PRCC: variants seen among roughly 807,000 people sequenced by gnomAD.
PRCC encodes proline-rich protein PRCC.
PRCC carries 10 observed loss-of-function variants against 44.0 expected under a neutral mutation model. That is an observed-to-expected ratio of 0.23 (90% CI 0.14 to 0.39). The LOEUF (loss-of-function observed/expected upper bound fraction) is 0.39, where lower values mean the gene tolerates loss of function less well. PRCC is among the 10% of genes least tolerant of loss of function. The pLI, the probability that PRCC is intolerant of heterozygous loss-of-function variation, is 1.00. For synonymous variants in PRCC, 278 were observed against 259.5 expected, an observed-to-expected ratio of 1.07 and a Z score of -0.69; for missense variants, 573 against 624.7, an observed-to-expected ratio of 0.92 and a Z score of 0.88.
In PRCC at chr1:156,800,369, C is replaced by T. The variant is rs1225064796; in HGVS notation, c.1390-5C>T. ...ACCCTCCCCTACCCTTCTTCCTTGC[C>T]ACAGGCCAAGGAGCGGGAGCTGGAA... is the stretch of plus-strand genomic sequence containing the variant. On this transcript the variant is annotated splice_region_variant and splice_polypyrimidine_tract_variant and intron_variant, in intron 6 of 6. Coordinates refer to ENST00000271526, the MANE Select transcript of PRCC (RefSeq NM_005973.5). 2 of 1,614,092 alleles carry T rather than the reference C, an allele frequency of 1.2e-6. No individual in the cohort carries two copies. The highest frequency in any genetic ancestry group is 8.5e-7 in the Non-Finnish European group (1 of 1,179,962).
At position 156,768,161 on chromosome 1, in the gene PRCC, TC is replaced by T; in HGVS notation, c.395del (p.Pro132ArgfsTer14). 6.4e-7 allele frequency: 1 copy of T among 1,554,876 alleles called. No individual in the cohort carries two copies. ...TGCCCCCTCCAATTGGCGGTGCCGG[TC>T]CCCCGCTGGGGCTTCCCAAGCCAAA... Reference protein sequence around the residue: ...NLPPPIGGAGPPLGLPKPKKR... With the variant: ...NLPPPIGGAGXPLGLPKPKKR... On this transcript the variant is annotated frameshift_variant, in exon 1 of 7. Transcript: ENST00000271526. LOFTEE classifies it high-confidence loss of function.
In PRCC at chr1:156,794,482, T is replaced by G. The variant is rs568274348; in HGVS notation, c.1180-183T>G. Among the ~76,000 whole-genome samples the G allele has an allele frequency of 2.0e-5, 3 of 152,224 alleles. 1 individual carries two copies. In the South Asian group the frequency reaches 6.2e-4, roughly 32 times the overall value. ...TCCTGGGTTCAGGAGACGTTCTGAG[T>G]AGAAGTAGCCTTTCATCTGGCATCA... On this transcript the variant is annotated intron_variant, in intron 4 of 6. Transcript: ENST00000271526.
intron 3 of PRCC, among the ~76,000 whole-genome samples, chr1:156,788,810 C>T (rs111896519): frequency 0.25 from 38,390 of 151,346 alleles, 5,008 homozygotes; most frequent in Middle Eastern, 0.34. Context: ...TACAGGCATG[C>T]GCCACCATGA....
chr1:156,782,264 CATTT>C lies in PRCC; in HGVS notation c.469-17_469-14del. The C allele has an allele frequency of 3.1e-6, 5 of 1,589,380 alleles. No homozygotes were observed. Among genetic ancestry groups the C allele is most frequent in the Non-Finnish European group, 4.3e-6 (5 of 1,158,302 alleles). On this transcript the variant is annotated splice_polypyrimidine_tract_variant and intron_variant, in intron 1 of 6. Coordinates refer to ENST00000271526, the MANE Select transcript of PRCC (RefSeq NM_005973.5). ...GTCCTAAAACAGTGAGGCCTTACTTCATTTCTTTTTCTCTTAGTCAGATTCTGAG... is the reference window on the plus strand; with the variant it reads ...GTCCTAAAACAGTGAGGCCTTACTTCCTTTTTCTCTTAGTCAGATTCTGAG...
At chr1:156,781,517 A>C (rs988465111) in intron 1 of PRCC, among the ~76,000 whole-genome samples, 1 of 152,256 alleles carries the variant, frequency 6.6e-6, no homozygotes, top group African/African-American at 2.4e-5. Flanking sequence ...CTTGCTATTC[A>C]TATGCCTTGC....
At chr1:156,777,871 A>C (rs938549377) in intron 1 of PRCC, among the ~76,000 whole-genome samples, 2 of 152,198 alleles carry the variant, frequency 1.3e-5, no homozygotes, top group African/African-American at 4.8e-5. Flanking sequence ...GGAAGGACTT[A>C]CATGAAAGGA....
At position 156,767,682 on chromosome 1, in the gene PRCC, C is replaced by T. The variant is rs1651445776; in HGVS notation, c.-90C>T. 2 of 1,349,954 alleles carry T rather than the reference C, an allele frequency of 1.5e-6. No homozygotes were observed. The highest frequency in any genetic ancestry group is 2.0e-6 in the Non-Finnish European group (2 of 1,007,838). The allele number at this position is 1,349,954 out of a possible 1,614,324, so 83.6% of individuals were successfully genotyped here. ...CGGACTTTTCGGTTCCCCGCCCCGC[C>T]AGGTGGCGGGGCCTACTAGGCCTCC... On this transcript the variant is annotated 5_prime_UTR_variant, in exon 1 of 7. Coordinates refer to ENST00000271526, the MANE Select transcript of PRCC (RefSeq NM_005973.5).
chr1:156,769,260 A>G (rs1446242692), intron 1 of PRCC, among the ~76,000 whole-genome samples: 4 of 152,262 alleles, frequency 2.6e-5, no homozygotes, highest in Non-Finnish European at 5.9e-5. Flanking sequence ...CACTTGGCCT[A>G]AAAGGCCTGT....
intron 5 of PRCC, 47 bp from the exon 6 acceptor site, chr1:156,797,226 ACTT>A (rs1652687603): frequency 6.2e-7 from 1 of 1,611,606 alleles, no homozygotes; most frequent in South Asian, 1.1e-5. Flanking sequence ...CACATGAGAA[ACTT>A]CTGCTTTCAT....
chr1:156,767,789 C>T lies in PRCC; in HGVS notation c.18C>T (p.Tyr6=), dbSNP rs1157761549. 5.6e-6 allele frequency: 9 copies of T among 1,606,178 alleles called. No homozygotes were observed. Reference sequence around the variant, plus strand: ...GAGGCGCCATGTCGCTGGTTGCTTACGCCAGCAGCGATGAGAGCGAGCCGG... The same window carrying T: ...GAGGCGCCATGTCGCTGGTTGCTTATGCCAGCAGCGATGAGAGCGAGCCGG... MSLVA[Y]ASSDESEPDE... Residue 6 remains tyrosine (Y), a synonymous_variant, in exon 1 of 7, where the codon TAC becomes TAT. Coordinates refer to ENST00000271526, the MANE Select transcript of PRCC (RefSeq NM_005973.5).
chr1:156,775,157 A>C lies in PRCC; in HGVS notation c.468+6918A>C, dbSNP rs1289679623. ...CAGCTACTCGGGAGGCTGAGGCAGG[A>C]GAATGGTGTGAACCCGGGAGGTGGA... On this transcript the variant is annotated intron_variant, in intron 1 of 6. Coordinates refer to ENST00000271526, the MANE Select transcript of PRCC (RefSeq NM_005973.5). Among the ~76,000 whole-genome samples the C allele has an allele frequency of 2.8e-5, 4 of 142,274 alleles. No individual in the cohort carries two copies. In the East Asian group the frequency reaches 7.8e-4, roughly 28 times the overall value. 93.3% of individuals were successfully genotyped at this position (142,274 alleles called of 152,430 possible).
At position 156,786,597 on chromosome 1, in the gene PRCC, G is replaced by A. The variant is rs1423128544; in HGVS notation, c.517-11G>A. ...CTTTCTTTCCTCCTATCCCACACCT[G>A]GGCTCACCAGGGATCCAGTGAGGGG... On this transcript the variant is annotated splice_polypyrimidine_tract_variant and intron_variant, in intron 2 of 6. Transcript: ENST00000271526. The A allele has an allele frequency of 6.2e-7, 1 of 1,602,014 alleles. No individual in the cohort carries two copies. The highest frequency in any genetic ancestry group is 8.5e-7 in the Non-Finnish European group (1 of 1,171,076).
intron 2 of PRCC, among the ~76,000 whole-genome samples, chr1:156,785,913 G>A (rs1375445534): frequency 1.3e-5 from 2 of 151,136 alleles, no homozygotes; most frequent in East Asian, 2.0e-4. Context: ...CTGGGTTCAA[G>A]CGATTCTTCT....
intron 1 of PRCC, among the ~76,000 whole-genome samples, chr1:156,773,248 G>A (rs1651697799): frequency 6.6e-6 from 1 of 152,082 alleles, no homozygotes; most frequent in South Asian, 2.1e-4. Context: ...TTTGGAGAGG[G>A]AGTGTCTCAG....
chr1:156,789,236 A>G (rs770184668), intron 3 of PRCC, among the ~76,000 whole-genome samples: 4 of 152,194 alleles, frequency 2.6e-5, no homozygotes, highest in Non-Finnish European at 4.4e-5. Flanking sequence ...TCCCAAAGTG[A>G]TGGGATTACA....
At chr1:156,800,132 A>C (rs1175842860) in intron 6 of PRCC, among the ~76,000 whole-genome samples, 1 of 152,218 alleles carries the variant, frequency 6.6e-6, no homozygotes, top group African/African-American at 2.4e-5. Context: ...TACTAGAGGA[A>C]GCACCAGGAT....
At chr1:156,791,400 C>T in intron 3 of PRCC, 1 of 476,346 alleles carries the variant, frequency 2.1e-6, no homozygotes, top group Non-Finnish European at 3.9e-6. Context: ...TAGGAAGTAG[C>T]TGAGGGAGCA....
At chr1:156,772,799 G>A (rs1203745097) in intron 1 of PRCC, among the ~76,000 whole-genome samples, 1 of 152,234 alleles carries the variant, frequency 6.6e-6, no homozygotes, top group Non-Finnish European at 1.5e-5. Flanking sequence ...AAGGGAGAGT[G>A]TGCTTATCTG....
At position 156,767,917 on chromosome 1, in the gene PRCC, C is replaced by T; in HGVS notation, c.146C>T (p.Ala49Val). ...TCTCTCCCTGCGCCCAAGGGTCCGG[C>T]CTTGCTGCCTCCGCCCCCTCAGATG... ...FASLPAPKGP[A>V]LLPPPPQMLA... Residue 49 changes from alanine to valine, a missense_variant, in exon 1 of 7, where the codon GCC becomes GTC. Physicochemically the swap from Ala to Val is moderately conservative, Grantham distance 64. This residue lies in a region of PRCC where 245 missense variants were observed against 188.5 expected (regional missense o/e 1.30). Coordinates refer to ENST00000271526, the MANE Select transcript of PRCC (RefSeq NM_005973.5). 6.3e-7 allele frequency: 1 copy of T among 1,598,740 alleles called. No homozygotes were observed. Among genetic ancestry groups the T allele is most frequent in the Non-Finnish European group, 8.5e-7 (1 of 1,173,288 alleles).
Sources: gnomAD v4.1 joint callset for allele counts (sites outside exome capture counted in the v4.1 genomes callset) on GRCh38, gnomAD v4.1.1 for gene constraint, gnomAD v4.1.1 regional missense constraint, MANE v1.5 for transcripts, NCBI Gene and HGNC (gene_info 2026-07-23, HGNC 2026-07-21) for gene names.